KIF20B: variants seen among roughly 807,000 people sequenced by gnomAD.
The protein encoded by KIF20B is kinesin family member 20B, also known as kinesin-like protein KIF20B.
In KIF20B, 188 loss-of-function variants were observed where a neutral mutation model predicts 232.5. That is an observed-to-expected ratio of 0.81 (90% CI 0.72 to 0.91). The LOEUF (loss-of-function observed/expected upper bound fraction) is 0.91, where lower values mean the gene tolerates loss of function less well. Ranked by LOEUF, KIF20B falls within the 40% of genes least tolerant of loss-of-function variation. The pLI is 0.00. For synonymous variants in KIF20B, 712 were observed against 683.0 expected, an observed-to-expected ratio of 1.04 and a Z score of -0.66; for missense variants, 2,154 against 2,055.9, an observed-to-expected ratio of 1.05 and a Z score of -0.92.
chr10:89,754,311 CT>C (rs1336883940), intron 25 of KIF20B, among the ~76,000 whole-genome samples: 2 of 151,844 alleles, frequency 1.3e-5, no homozygotes, highest in Non-Finnish European at 1.5e-5. Context: ...GCAAAATTAA[CT>C]TATAAATGAA....
chr10:89,708,324 G>A (rs1188371413), intron 2 of KIF20B, among the ~76,000 whole-genome samples: 1 of 151,816 alleles, frequency 6.6e-6, no homozygotes. Context: ...CGATTCTCCT[G>A]CCTTAGCCTC....
intron 18 of KIF20B, among the ~76,000 whole-genome samples, chr10:89,732,393 G>A (rs1408113646): frequency 7.9e-5 from 12 of 152,014 alleles, no homozygotes; most frequent in Admixed American, 7.9e-4. Flanking sequence ...AAAGTGCTGG[G>A]ATTACAGGCA....
chr10:89,767,467 T>C (rs1289739583), intron 29 of KIF20B, among the ~76,000 whole-genome samples: 1 of 152,010 alleles, frequency 6.6e-6, no homozygotes, highest in Non-Finnish European at 1.5e-5. Context: ...CTTTTCCCTG[T>C]CATGGTGTCT....
chr10:89,757,040 G>GTGTGTGTATATA (rs1301847520), intron 26 of KIF20B, among the ~76,000 whole-genome samples: 40 of 110,746 alleles, frequency 3.6e-4, no homozygotes, highest in Middle Eastern at 4.8e-3. Flanking sequence ...GTGTGTGTGT[G>GTGTGTGTATATA]TATATATATA....
intron 13 of KIF20B, among the ~76,000 whole-genome samples, chr10:89,719,940 G>A (rs574196106): frequency 1.3e-5 from 2 of 151,880 alleles, no homozygotes; most frequent in Admixed American, 1.3e-4. Flanking sequence ...ACATCTTTTG[G>A]TCTGTACAAT....
chr10:89,737,806 A>G lies in KIF20B; in HGVS notation c.2965A>G (p.Ile989Val), dbSNP rs775294446. Residue 989 changes from isoleucine to valine, a missense_variant, in exon 20 of 33, where the codon ATA (isoleucine) becomes GTA (valine). Transcript: ENST00000371728. ...ACAAATAAAATTAATGCACACGAAAATAGACGAACTACGTACTCTTGATTC... is the reference window on the plus strand; with the variant it reads ...ACAAATAAAATTAATGCACACGAAAGTAGACGAACTACGTACTCTTGATTC... ...VSQIKLMHTK[I>V]DELRTLDSVS... 202 of 1,613,306 alleles carry G rather than the reference A, an allele frequency of 1.3e-4. 1 individual carries two copies. Among genetic ancestry groups the G allele is most frequent in the Non-Finnish European group, 1.7e-4 (200 of 1,179,530 alleles).
intron 5 of KIF20B, among the ~76,000 whole-genome samples, chr10:89,710,421 G>C (rs1195549403): frequency 6.6e-6 from 1 of 151,990 alleles, no homozygotes; most frequent in Admixed American, 6.6e-5. Flanking sequence ...TAGAAATGGG[G>C]GTTCACCATT....
chr10:89,763,388 G>A (rs565288797), intron 29 of KIF20B, among the ~76,000 whole-genome samples: 1 of 152,292 alleles, frequency 6.6e-6, no homozygotes, highest in African/African-American at 2.4e-5. Flanking sequence ...TCAAATGATG[G>A]TGGATTTTAC....
In KIF20B at chr10:89,726,473, A is replaced by G. The variant is rs1203925009; in HGVS notation, c.2182A>G (p.Lys728Glu). 3 of 1,607,040 alleles carry G rather than the reference A, an allele frequency of 1.9e-6. No homozygotes were observed. The highest frequency in any genetic ancestry group is 1.7e-5 in the Admixed American group (1 of 59,474). Residue 728 changes from lysine to glutamate, a missense_variant, in exon 16 of 33, where the codon AAA (lysine) becomes GAA (glutamate). By Grantham distance (56) the Lys-to-Glu change is moderately conservative. Coordinates refer to ENST00000371728, the MANE Select transcript of KIF20B (RefSeq NM_001284259.2). ...AATTAAAGCTGAATTAGCTAAAACC[A>G]AAGGAGAATTAATCAAAACCAAAGA... ...NQIKAELAKT[K>E]GELIKTKEEL...
chr10:89,714,175 A>G (rs1473997741), intron 7 of KIF20B, 92 bp downstream of exon 7: 12 of 708,328 alleles, frequency 1.7e-5, no homozygotes, highest in Non-Finnish European at 2.5e-5. Context: ...CTAATGTTTT[A>G]TTTTTATTAT....
At position 89,774,312 on chromosome 10, in the gene KIF20B, A is replaced by G. The variant is rs1264078631; in HGVS notation, c.*264A>G. 8.7e-6 allele frequency: 2 copies of G among 230,102 alleles called. No individual in the cohort carries two copies. The highest frequency in any genetic ancestry group is 2.3e-5 in the African/African-American group (1 of 44,314). 14.3% of individuals were successfully genotyped at this position (230,102 alleles called of 1,614,324 possible). On this transcript the variant is annotated 3_prime_UTR_variant, in exon 33 of 33. Transcript: ENST00000371728. ...TGAAGATCCTAGGAAAGAGGCTGTT[A>G]TTCTCATTTATTTTGCTATACAGGA...
chr10:89,746,953 G>C (rs910331877), intron 23 of KIF20B, among the ~76,000 whole-genome samples: 2 of 152,200 alleles, frequency 1.3e-5, no homozygotes, highest in African/African-American at 4.8e-5. Context: ...GTAATGGCCA[G>C]TATTTTGTGA....
intron 19 of KIF20B, chr10:89,733,295 GTAA>G (rs1384198290): frequency 2.5e-5 from 10 of 396,694 alleles, no homozygotes; most frequent in Non-Finnish European, 9.1e-6. Context: ...CGCAGTCTAT[GTAA>G]TAATTTCTGT....
At chr10:89,709,875 T>C (rs564911496) in intron 4 of KIF20B, 52 bp from the exon 5 acceptor site, 6 of 1,477,284 alleles carry the variant, frequency 4.1e-6, no homozygotes, top group Admixed American at 2.2e-5. Flanking sequence ...GAACACACTA[T>C]TAATATTAAC....
chr10:89,718,785 A>G lies in KIF20B; in HGVS notation c.1347A>G (p.Lys449=). The change falls in exon 12 of 33, where the codon AAA becomes AAG. Residue 449 remains lysine, a synonymous_variant. Transcript: ENST00000371728. ...AAAGTTTTTTTAATGGTAAAGGGAA[A>G]ATTTGTATGATTGTCAATATCAGCC... ...YFQSFFNGKG[K]ICMIVNISQC... 1.2e-6 allele frequency: 2 copies of G among 1,611,014 alleles called. No homozygotes were observed. Among genetic ancestry groups the G allele is most frequent in the Non-Finnish European group, 1.7e-6 (2 of 1,177,786 alleles).
At chr10:89,762,147 A>T (rs992113876) in intron 28 of KIF20B, among the ~76,000 whole-genome samples, 2 of 152,126 alleles carry the variant, frequency 1.3e-5, no homozygotes, top group Non-Finnish European at 2.9e-5. Flanking sequence ...CAGAAGTTGT[A>T]ATGCTTCTTA....
intron 9 of KIF20B, among the ~76,000 whole-genome samples, chr10:89,717,016 G>A (rs528024465): frequency 6.6e-5 from 10 of 152,132 alleles, no homozygotes; most frequent in Admixed American, 2.0e-4. Flanking sequence ...CCCTGTTCCC[G>A]TAGTCAGTTG....
rs1029258743 is a variant in KIF20B at position 89,774,861 on chromosome 10, C to T, written c.*813C>T. ...AGTACCCTTACCAGCCACTGGTAAC[C>T]ATTCTTCTACTCTGTATGCCCATGA... On this transcript the variant is annotated 3_prime_UTR_variant, in exon 33 of 33. Transcript: ENST00000371728. 2 of 151,980 alleles carry T rather than the reference C, an allele frequency of 1.3e-5. No homozygotes were observed. Among genetic ancestry groups the T allele is most frequent in the Non-Finnish European group, 2.9e-5 (2 of 67,920 alleles). The allele number at this position is 151,980 out of a possible 1,614,324, so 9.4% of individuals were successfully genotyped here.
At chr10:89,711,669 GTATGA>G (rs1328965684) in intron 6 of KIF20B, among the ~76,000 whole-genome samples, 1 of 151,408 alleles carries the variant, frequency 6.6e-6, no homozygotes, top group East Asian at 1.9e-4. Context: ...GTTTTTATAT[GTATGA>G]TATAATTTTT....
Sources: gnomAD v4.1 joint callset for allele counts (sites outside exome capture counted in the v4.1 genomes callset) on GRCh38, gnomAD v4.1.1 for gene constraint, MANE v1.5 for transcripts, NCBI Gene and HGNC (gene_info 2026-07-23, HGNC 2026-07-21) for gene names.